Variants in MSRA observed in about 807,000 individuals in gnomAD.
MSRA encodes methionine sulfoxide reductase A.
Under a neutral mutation model 31.3 loss-of-function variants are expected in MSRA, and 54 were observed. The observed-to-expected ratio is 1.73, with a 90% CI of 1.39 to 2.17. The LOEUF (loss-of-function observed/expected upper bound fraction) is 2.17. Among genes scored for constraint, MSRA ranks in the 30% most tolerant of loss-of-function variants. MSRA has a pLI of 0.00. For missense variants in MSRA, 507 were observed against 300.9 expected (o/e 1.69, Z -5.07); for synonymous variants, 169 against 116.5 (o/e 1.45, Z -2.90).
chr8:10,353,365 G>T (rs1338147650), intron 5 of MSRA, among the ~76,000 whole-genome samples: 1 of 152,140 alleles, frequency 6.6e-6, no homozygotes, highest in Non-Finnish European at 1.5e-5. Context: ...ACGCTGATCT[G>T]GTACTGAAGA....
chr8:10,170,462 G>T (rs1805496409), intron 1 of MSRA, among the ~76,000 whole-genome samples: 2 of 152,228 alleles, frequency 1.3e-5, no homozygotes, highest in South Asian at 4.2e-4. Context: ...CCTTGGTTTT[G>T]GACTTCCCAG....
intron 1 of MSRA, among the ~76,000 whole-genome samples, chr8:10,193,715 A>AT (rs1045721926): frequency 5.9e-5 from 9 of 152,190 alleles, no homozygotes; most frequent in African/African-American, 1.9e-4. Context: ...AAAGTGGAAG[A>AT]TTTTGTTCAT....
chr8:10,345,447 A>G (rs934925295), intron 5 of MSRA, among the ~76,000 whole-genome samples: 1 of 152,208 alleles, frequency 6.6e-6, no homozygotes, highest in African/African-American at 2.4e-5. Context: ...TCTTGTACCA[A>G]GCGATCCAAG....
At chr8:10,374,499 C>G (rs1026952836) in intron 5 of MSRA, among the ~76,000 whole-genome samples, 2 of 152,164 alleles carry the variant, frequency 1.3e-5, no homozygotes, top group African/African-American at 4.8e-5. Context: ...TATTGCAGAA[C>G]AACAAATTAA....
chr8:10,173,375 C>G (rs1207016016), intron 1 of MSRA, among the ~76,000 whole-genome samples: 1 of 152,194 alleles, frequency 6.6e-6, no homozygotes, highest in South Asian at 2.1e-4. Context: ...GGGGTGAAGA[C>G]CAGACAAATC....
At chr8:10,324,533 GT>G (rs149364547) in intron 5 of MSRA, among the ~76,000 whole-genome samples, 9 of 152,308 alleles carry the variant, frequency 5.9e-5, no homozygotes, top group African/African-American at 2.2e-4. Flanking sequence ...TGAGGGTCAA[GT>G]TTTTTCCTTT....
intron 5 of MSRA, among the ~76,000 whole-genome samples, chr8:10,392,041 A>G (rs777930012): frequency 1.3e-5 from 2 of 152,172 alleles, no homozygotes; most frequent in Admixed American, 1.3e-4. Context: ...GTGCTCAGAA[A>G]ATGAGGTGGG....
At chr8:10,399,922 A>C (rs192693834) in intron 5 of MSRA, among the ~76,000 whole-genome samples, 8 of 152,260 alleles carry the variant, frequency 5.3e-5, no homozygotes, top group Admixed American at 5.2e-4. Context: ...TCAGAAAGGG[A>C]GAGCTGTTGG....
intron 3 of MSRA, among the ~76,000 whole-genome samples, chr8:10,262,090 G>C (rs531728586): frequency 1.3e-5 from 2 of 152,206 alleles, no homozygotes; most frequent in Non-Finnish European, 1.5e-5. Flanking sequence ...ATAATCCACT[G>C]TTTGGAGGTA....
chr8:10,199,212 T>G (rs904203042), intron 1 of MSRA, among the ~76,000 whole-genome samples: 12 of 152,142 alleles, frequency 7.9e-5, no homozygotes, highest in Non-Finnish European at 1.8e-4. Flanking sequence ...TAATGGGGGA[T>G]CCCTCTGATC....
intron 3 of MSRA, among the ~76,000 whole-genome samples, chr8:10,296,754 C>T (rs1320542688): frequency 1.3e-5 from 2 of 152,174 alleles, no homozygotes; most frequent in Non-Finnish European, 2.9e-5. Flanking sequence ...AAAGGCATGG[C>T]TCATTTGCCA....
At chr8:10,152,114 A>G (rs1482581012) in intron 1 of MSRA, among the ~76,000 whole-genome samples, 1 of 152,248 alleles carries the variant, frequency 6.6e-6, no homozygotes. Flanking sequence ...GTAGTTGTGA[A>G]CATATATTTG....
At chr8:10,286,264 T>C (rs1210324357) in intron 3 of MSRA, among the ~76,000 whole-genome samples, 1 of 152,186 alleles carries the variant, frequency 6.6e-6, no homozygotes, top group Admixed American at 6.6e-5. Context: ...CCAGATCTCA[T>C]CTTGAATTCC....
chr8:10,323,219 C>G (rs77126784), intron 5 of MSRA, among the ~76,000 whole-genome samples: 1,748 of 152,196 alleles, frequency 0.011, 12 homozygotes, highest in Non-Finnish European at 0.017. Context: ...GAACCAACCC[C>G]AACCAAGAAC....
At chr8:10,391,424 G>A (rs769293452) in intron 5 of MSRA, among the ~76,000 whole-genome samples, 6 of 152,216 alleles carry the variant, frequency 3.9e-5, no homozygotes, top group Admixed American at 6.5e-5. Flanking sequence ...CTAGCACACT[G>A]TCTGGGACTT....
At chr8:10,289,724 C>A (rs149633583) in intron 3 of MSRA, among the ~76,000 whole-genome samples, 3 of 152,180 alleles carry the variant, frequency 2.0e-5, no homozygotes, top group African/African-American at 7.2e-5. Flanking sequence ...CTCTAGTTGT[C>A]TTTTAACTCT....
At chr8:10,120,863 C>G (rs930290398) in intron 1 of MSRA, among the ~76,000 whole-genome samples, 1 of 152,148 alleles carries the variant, frequency 6.6e-6, no homozygotes, top group East Asian at 1.9e-4. Context: ...TGCACCTGTA[C>G]ACGTCCATGA....
At chr8:10,248,245 C>G (rs2129084411) in intron 3 of MSRA, among the ~76,000 whole-genome samples, 1 of 152,238 alleles carries the variant, frequency 6.6e-6, no homozygotes, top group South Asian at 2.1e-4. Context: ...AAGATTTTTA[C>G]TTTTATTTTG....
At chr8:10,132,204 C>T (rs1392023353) in intron 1 of MSRA, among the ~76,000 whole-genome samples, 3 of 152,126 alleles carry the variant, frequency 2.0e-5, no homozygotes, top group South Asian at 2.1e-4. Context: ...AGATTTTGCC[C>T]GAGGAAGTTA....
Sources: gnomAD v4.1 joint callset for allele counts (sites outside exome capture counted in the v4.1 genomes callset) on GRCh38, gnomAD v4.1.1 for gene constraint, MANE v1.5 for transcripts, NCBI Gene and HGNC (gene_info 2026-07-23, HGNC 2026-07-21) for gene names.